Variants in PAX6 observed in about 807,000 individuals in gnomAD.
PAX6 encodes paired box 6, also known as paired box protein Pax-6.
In PAX6, 7 loss-of-function variants were observed where a neutral mutation model predicts 60.7. The observed-to-expected ratio is 0.12, with a 90% CI of 0.07 to 0.22. The LOEUF (loss-of-function observed/expected upper bound fraction) is 0.22. Among genes scored for constraint, PAX6 ranks in the 10% least tolerant of loss-of-function variants. PAX6 has a pLI of 1.00. For synonymous variants in PAX6, 208 were observed against 201.2 expected (o/e 1.03, Z -0.29); for missense variants, 355 against 555.2 (o/e 0.64, Z 3.62).
At chr11:31,790,376 C>G in intron 13 of PAX6, 5 of 1,119,236 alleles carry the variant, frequency 4.5e-6, no homozygotes, top group Non-Finnish European at 5.8e-6. Context: ...GCTATGAGGG[C>G]AAGAAGCATT....
At chr11:31,801,472 G>C (rs1244417730) in intron 7 of PAX6, 89 bp downstream of exon 7, 11 of 1,603,728 alleles carry the variant, frequency 6.9e-6, no homozygotes, top group East Asian at 2.2e-5. Context: ...CACAGACTAA[G>C]AGACAGTGGA....
Position 31,794,267 on chromosome 11 carries a change from C to A in PAX6, c.725-153G>T. ...CTAGTGTTGACTGTACTTGGAAGAA[C>A]TTTCCCACCAGAACCAAGTTAAATT... On this transcript the variant is annotated intron_variant, in intron 9 of 13. Coordinates refer to ENST00000640368, the MANE Select transcript of PAX6 (RefSeq NM_001368894.2). 4 of 729,446 alleles carry A rather than the reference C, an allele frequency of 5.5e-6. No individual in the cohort carries two copies. The South Asian group carries it at 5.9e-5, about 11-fold the overall frequency. The allele number at this position is 729,446 out of a possible 1,614,324, so 45.2% of individuals were successfully genotyped here.
At chr11:31,790,228 C>T in intron 13 of PAX6, 1 of 540,306 alleles carries the variant, frequency 1.9e-6, no homozygotes, top group Non-Finnish European at 3.2e-6. Flanking sequence ...CTATTGGATC[C>T]CAAGTACCCC....
intron 8 of PAX6, among the ~76,000 whole-genome samples, chr11:31,795,145 G>C (rs1036392345): frequency 6.6e-5 from 10 of 152,086 alleles, no homozygotes; most frequent in Admixed American, 1.3e-4. Flanking sequence ...GGCTGTGTTG[G>C]GAAAATAGAA....
chr11:31,807,426 C>T (rs1481285154), intron 2 of PAX6: 2 of 152,282 alleles, frequency 1.3e-5, no homozygotes, highest in African/African-American at 4.8e-5. Flanking sequence ...CAGAACCCAA[C>T]ACTCTGCTTA....
At position 31,790,734 on chromosome 11, in the gene PAX6, C is replaced by G. The variant is rs769190973; in HGVS notation, c.1201G>C (p.Gly401Arg). The part of the protein sequence containing the change: ...MQTHMNSQPM[G>R]TSGTTSTGLI... The stretch of plus-strand genomic sequence containing the variant: ...CCTGTTGAAGTGGTGCCCGAGGTGC[C>G]CATTGGCTGACTGTTCATGTGTGTC... Residue 401 changes from glycine to arginine, a missense_variant, in exon 13 of 14, where the codon GGC (glycine) becomes CGC (arginine). By Grantham distance (125) the Gly-to-Arg change is moderately radical (BLOSUM62 -2). Around this residue, in one of 5 missense-constraint regions of PAX6, gnomAD observed 149 missense variants for 191.9 expected, o/e 0.78. Coordinates refer to ENST00000640368, the MANE Select transcript of PAX6 (RefSeq NM_001368894.2). 6.2e-7 allele frequency: 1 copy of G among 1,614,084 alleles called. No individual in the cohort carries two copies. The highest frequency in any genetic ancestry group is 8.5e-7 in the Non-Finnish European group (1 of 1,180,026).
chr11:31,794,282 C>G (rs1950767543), intron 9 of PAX6, 168 bp from the exon 10 acceptor site: 1 of 693,034 alleles, frequency 1.4e-6, no homozygotes, highest in Non-Finnish European at 2.6e-6. Context: ...CCACCAGAAC[C>G]AAGTTAAATT....
chr11:31,802,996 A>C (rs1489392822), intron 4 of PAX6, 162 bp from the exon 5 acceptor site: 6 of 745,892 alleles, frequency 8.0e-6, no homozygotes, highest in East Asian at 5.4e-5. Flanking sequence ...GACAACCACA[A>C]TGCATCCTCA....
At chr11:31,793,979 G>A in intron 10 of PAX6, 53 bp downstream of exon 10, 1 of 1,344,746 alleles carries the variant, frequency 7.4e-7, no homozygotes, top group South Asian at 1.2e-5. Context: ...CTGTCTCTAG[G>A]AAAGACAAAT....
chr11:31,816,489 A>G (rs780126701), intron 1 of PAX6: 11 of 700,886 alleles, frequency 1.6e-5, no homozygotes, highest in South Asian at 8.9e-5. Context: ...ACGATCTCCA[A>G]TAAACATCTC....
At chr11:31,809,876 G>A (rs1186793503) in intron 2 of PAX6, 1 of 152,412 alleles carries the variant, frequency 6.6e-6, no homozygotes, top group Non-Finnish European at 1.5e-5. Context: ...GGTGAGACTG[G>A]ATCAGAGGAA....
intron 8 of PAX6, among the ~76,000 whole-genome samples, chr11:31,797,431 G>A (rs1951934636): frequency 6.6e-6 from 1 of 151,442 alleles, no homozygotes; most frequent in Non-Finnish European, 1.5e-5. Context: ...ATCGCCGCCA[G>A]GCCCTGTGCT....
rs1951039663 is a variant in PAX6, at chr11:31,794,871, C to CGG, written c.566-84_566-83insCC. On this transcript the variant is annotated intron_variant, in intron 8 of 13. Coordinates refer to ENST00000640368, the MANE Select transcript of PAX6 (RefSeq NM_001368894.2). Reference sequence around the variant, plus strand: ...AGGGGCCTGGTGTAGTCTTAAACTCCAAGAGCATTATATCCCGACAGCCTC... The same window carrying CGG: ...AGGGGCCTGGTGTAGTCTTAAACTCCGGAAGAGCATTATATCCCGACAGCCTC... The CGG allele has an allele frequency of 1.1e-5, 14 of 1,300,218 alleles. No homozygotes were observed. In the South Asian group the frequency reaches 1.7e-4, roughly 15 times the overall value. 80.5% of individuals were successfully genotyped at this position (1,300,218 alleles called of 1,614,324 possible). A position where few individuals can be genotyped will look rare whatever the true frequency, so the allele number is the denominator to read the frequency against.
At chr11:31,793,597 C>A (rs1565199366) in intron 11 of PAX6, 44 bp from the exon 12 acceptor site, 2 of 1,613,404 alleles carry the variant, frequency 1.2e-6, no homozygotes, top group African/African-American at 1.3e-5. Context: ...AGAGTCAGAG[C>A]CCGGAGCAAA....
At chr11:31,817,240 C>G (rs1806158) in intron 1 of PAX6, among the ~76,000 whole-genome samples, 33,854 of 152,290 alleles carry the variant, frequency 0.22, 4,158 homozygotes, top group African/African-American at 0.32. Flanking sequence ...CCAGCTCTGT[C>G]GGCCGCATTC....
chr11:31,805,707 A>AT (rs1346524579), intron 4 of PAX6: 3 of 152,792 alleles, frequency 2.0e-5, no homozygotes, highest in Non-Finnish European at 4.4e-5. Context: ...TACAAGGGCC[A>AT]TAAGTATCAA....
rs553362912 is a variant in PAX6 at position 31,810,494 on chromosome 11, C to T, written c.-129+334G>A. ...CGCGGGTCGGGAGCATTGGGCGACG[C>T]TGGGGCTAGGAGCCGCGGCTGCTGT... On this transcript the variant is annotated intron_variant, in intron 2 of 13. Transcript: ENST00000640368. The T allele has an allele frequency of 1.9e-3, 358 of 185,390 alleles. 2 individuals carry two copies. Among genetic ancestry groups the T allele is most frequent in the Non-Finnish European group, 2.9e-3 (263 of 90,634 alleles). 11.5% of individuals were successfully genotyped at this position (185,390 alleles called of 1,614,324 possible).
chr11:31,815,931 G>A (rs1159473186), upstream of PAX6, among the ~76,000 whole-genome samples: 1 of 152,222 alleles, frequency 6.6e-6, no homozygotes, highest in East Asian at 1.9e-4. Context: ...TGGCTCAGCC[G>A]AATGCGGCCG....
intron 9 of PAX6, 121 bp from the exon 10 acceptor site, chr11:31,794,235 A>T: frequency 1.3e-6 from 1 of 792,920 alleles, no homozygotes; most frequent in Non-Finnish European, 2.3e-6. Context: ...TTCCCTTTAA[A>T]ATGCTTCTAG....
Sources: allele counts gnomAD v4.1 joint callset (sites outside exome capture counted in the v4.1 genomes callset), GRCh38; gene constraint gnomAD v4.1.1; regional missense constraint gnomAD v4.1.1; transcripts MANE v1.5; gene names NCBI Gene and HGNC (gene_info 2026-07-23, HGNC 2026-07-21).